VPS13A: variants seen among roughly 807,000 people sequenced by gnomAD.
VPS13A encodes the protein intermembrane lipid transfer protein VPS13A.
A neutral mutation model predicts 390.9 loss-of-function variants in VPS13A; 264 were observed. The observed-to-expected ratio is 0.68, with a 90% CI of 0.61 to 0.75. The LOEUF (loss-of-function observed/expected upper bound fraction) is 0.75. Among genes scored for constraint, VPS13A ranks in the 30% least tolerant of loss-of-function variants. The probability of loss-of-function intolerance (pLI) is 0.00; values close to 1 mark genes in which losing one functional copy is unlikely to be tolerated. For synonymous variants in VPS13A, 1,231 were observed against 1,227.1 expected (o/e 1.00, Z -0.07); for missense variants, 3,409 against 3,733.9 (o/e 0.91, Z 2.27).
intron 59 of VPS13A, among the ~76,000 whole-genome samples, chr9:77,362,471 G>T (rs557610243): frequency 2.0e-5 from 3 of 152,270 alleles, no homozygotes; most frequent in East Asian, 3.9e-4. Context: ...TTATTCCGTC[G>T]ATCTGTGCAT....
intron 27 of VPS13A, 26 bp downstream of exon 27, chr9:77,280,264 T>C: frequency 6.5e-7 from 1 of 1,549,726 alleles, no homozygotes; most frequent in African/African-American, 1.4e-5. Context: ...TATATCTGCT[T>C]AATATGGTAA....
intron 33 of VPS13A, among the ~76,000 whole-genome samples, chr9:77,300,250 A>G (rs893508632): frequency 9.8e-5 from 15 of 152,294 alleles, no homozygotes; most frequent in Admixed American, 9.8e-4. Context: ...TCTAATATAT[A>G]TACAGTTTTG....
intron 57 of VPS13A, among the ~76,000 whole-genome samples, chr9:77,358,877 A>G (rs1335750801): frequency 2.0e-5 from 3 of 151,498 alleles, no homozygotes; most frequent in Admixed American, 6.6e-5. Context: ...TCTTCCCCCT[A>G]CTTTCTCTTC....
intron 62 of VPS13A, among the ~76,000 whole-genome samples, chr9:77,368,342 A>G (rs1832553288): frequency 1.3e-5 from 2 of 152,228 alleles, no homozygotes; most frequent in South Asian, 4.1e-4. Context: ...TTAGCCACTG[A>G]GAGAAATTTT....
intron 1 of VPS13A, among the ~76,000 whole-genome samples, chr9:77,189,643 A>C (rs1164226494): frequency 1.3e-5 from 2 of 152,126 alleles, no homozygotes; most frequent in Non-Finnish European, 2.9e-5. Flanking sequence ...GTGAGAAATA[A>C]CATTGGCAGT....
Position 77,195,076 on chromosome 9 carries a change from C to T in VPS13A, c.101-4869C>T, listed in dbSNP as rs564755881. On this transcript the variant is annotated intron_variant, in intron 1 of 71. Transcript: ENST00000360280. ...AGTGTCACAGAACTTTCTCCCTATG[C>T]TTTATTCTAAGTTTTATAGTTTTCA... Among the ~76,000 whole-genome samples the T allele has an allele frequency of 2.8e-4, 42 of 152,204 alleles. No individual in the cohort carries two copies. The South Asian group carries it at 7.7e-3, about 28-fold the overall frequency.
Position 77,384,534 on chromosome 9 carries a change from G to T in VPS13A, c.9189+2447G>T, listed in dbSNP as rs201084570. On this transcript the variant is annotated intron_variant, in intron 68 of 71. Coordinates refer to ENST00000360280, the MANE Select transcript of VPS13A (RefSeq NM_033305.3). ...AATCTTACATGTTTTCAAGCAATTTGCCATACTCTACTAACCTTTGTGCTT... is the reference window on the plus strand; with the variant it reads ...AATCTTACATGTTTTCAAGCAATTTTCCATACTCTACTAACCTTTGTGCTT... 1,480 of 1,608,682 alleles carry T rather than the reference G, an allele frequency of 9.2e-4. 1 individual carries two copies. Among genetic ancestry groups the T allele is most frequent in the Non-Finnish European group, 1.2e-3 (1,379 of 1,177,838 alleles).
At chr9:77,383,152 C>A in intron 68 of VPS13A, 1 of 627,224 alleles carries the variant, frequency 1.6e-6, no homozygotes, top group Non-Finnish European at 2.0e-6. Flanking sequence ...CAGTATTTTA[C>A]CTATTGCAGG....
Position 77,345,045 on chromosome 9 carries a change from C to G in VPS13A, c.7192C>G (p.His2398Asp). 1 of 1,612,914 alleles carries G rather than the reference C, an allele frequency of 6.2e-7. No homozygotes were observed. The highest frequency in any genetic ancestry group is 1.7e-4 in the Middle Eastern group (1 of 6,056). Residue 2398 changes from histidine to aspartate, a missense_variant, in exon 52 of 72, where the codon CAT becomes GAT. By Grantham distance (81) the His-to-Asp change is moderately conservative (BLOSUM62 -1). Transcript: ENST00000360280. Reference sequence around the variant, plus strand: ...TATAGCAGAAGTGAATTTGGCCGAGCATTCTACAGTTATTACATTTTTAGA... The same window carrying G: ...TATAGCAGAAGTGAATTTGGCCGAGGATTCTACAGTTATTACATTTTTAGA... ...GIIAEVNLAEHSTVITFLDYH... is the reference protein window; with the variant it reads ...GIIAEVNLAEDSTVITFLDYH...
chr9:77,220,411 T>A (rs751684144), intron 12 of VPS13A, 28 bp downstream of exon 12: 1 of 1,291,502 alleles, frequency 7.7e-7, no homozygotes, highest in Non-Finnish European at 1.1e-6. Context: ...TTTTTTTTTT[T>A]AGATTTTAAA....
chr9:77,275,222 G>T lies in VPS13A; in HGVS notation c.2513-276G>T, dbSNP rs568930943. Among the ~76,000 whole-genome samples the T allele has an allele frequency of 2.7e-3, 416 of 152,178 alleles. 1 individual carries two copies. The highest frequency in any genetic ancestry group is 9.4e-3 in the African/African-American group (389 of 41,546). On this transcript the variant is annotated intron_variant, in intron 24 of 71. Transcript: ENST00000360280. ...AATTTTAAAATAGACTATTTCAAAA[G>T]ATGGGCTTCTTAAGCTAAAGATTAC... is the stretch of plus-strand genomic sequence containing the variant.
chr9:77,282,302 C>T, intron 29 of VPS13A, 28 bp downstream of exon 29: 2 of 1,370,168 alleles, frequency 1.5e-6, no homozygotes, highest in Non-Finnish European at 1.0e-6. Flanking sequence ...TTAGCATCAA[C>T]TTTTTTTTTT....
chr9:77,231,073 T>C (rs1216245790), intron 17 of VPS13A, among the ~76,000 whole-genome samples: 2 of 152,198 alleles, frequency 1.3e-5, no homozygotes, highest in East Asian at 3.8e-4. Flanking sequence ...TTTTGTATAC[T>C]GCACTTGTAC....
chr9:77,398,440 C>A (rs1834208361), intron 68 of VPS13A, among the ~76,000 whole-genome samples: 1 of 152,150 alleles, frequency 6.6e-6, no homozygotes, highest in Non-Finnish European at 1.5e-5. Context: ...TCATTAGACA[C>A]TTACTGATCC....
chr9:77,295,977 C>A, intron 33 of VPS13A, 131 bp downstream of exon 33: 1 of 984,582 alleles, frequency 1.0e-6, no homozygotes, highest in Non-Finnish European at 1.5e-6. Flanking sequence ...GTGATTCTCT[C>A]TTCCTTAAGT....
chr9:77,277,421 C>T (rs1587477794), intron 26 of VPS13A, among the ~76,000 whole-genome samples: 1 of 152,180 alleles, frequency 6.6e-6, no homozygotes, highest in East Asian at 1.9e-4. Context: ...GATGAACCTA[C>T]ACTGACACAT....
chr9:77,200,009 A>C (rs1371880485), intron 2 of VPS13A, 21 bp downstream of exon 2: 2 of 1,592,004 alleles, frequency 1.3e-6, no homozygotes, highest in South Asian at 1.1e-5. Flanking sequence ...ACTATGAAAA[A>C]TTTGTAAAGT....
Position 77,415,859 on chromosome 9 carries a change from A to T in VPS13A, c.9475-97A>T, listed in dbSNP as rs76316027. The T allele has an allele frequency of 3.9e-3, 5,663 of 1,452,244 alleles. 70 individuals are homozygous for T. Among genetic ancestry groups the T allele is most frequent in the African/African-American group, 0.03 (2,139 of 71,534 alleles). The allele number at this position is 1,452,244 out of a possible 1,614,324, so 90.0% of individuals were successfully genotyped here. On this transcript the variant is annotated intron_variant, in intron 71 of 71. Transcript: ENST00000360280. ...TTGGCTGTCAGTATTACACCTAACT[A>T]AACTATAAAGCTAACTTCTAGATCT...
intron 10 of VPS13A, among the ~76,000 whole-genome samples, chr9:77,219,018 A>G (rs1823027864): frequency 6.6e-6 from 1 of 152,160 alleles, no homozygotes; most frequent in Non-Finnish European, 1.5e-5. Flanking sequence ...GAATGATTAA[A>G]ATAACTGATG....
Sources: gnomAD v4.1 joint callset for allele counts (sites outside exome capture counted in the v4.1 genomes callset) on GRCh38, gnomAD v4.1.1 for gene constraint, MANE v1.5 for transcripts, NCBI Gene and HGNC (gene_info 2026-07-23, HGNC 2026-07-21) for gene names.